ANK2: variants seen among roughly 807,000 people sequenced by gnomAD.
ANK2 encodes the protein ankyrin 2.
Under a neutral mutation model 360.5 loss-of-function variants are expected in ANK2, and 83 were observed. The ratio of observed to expected loss-of-function variants is 0.23; its 90% CI spans 0.19 to 0.28. ANK2 has a LOEUF of 0.28. Among genes scored for constraint, ANK2 ranks in the 10% least tolerant of loss-of-function variants. The probability of loss-of-function intolerance (pLI) is 1.00; values close to 1 mark genes in which losing one functional copy is unlikely to be tolerated. For synonymous variants in ANK2, 1,740 were observed against 1,759.5 expected (o/e 0.99, Z 0.28); for missense variants, 4,201 against 4,795.7 (o/e 0.88, Z 3.66).
chr4:113,262,162 T>A (rs1352271027), intron 13 of ANK2, among the ~76,000 whole-genome samples: 1 of 152,232 alleles, frequency 6.6e-6, no homozygotes, highest in African/African-American at 2.4e-5. Flanking sequence ...TCATCATTTC[T>A]ACCAAAATTA....
At chr4:113,037,131 A>C (rs2061785165) in intron 2 of ANK2, among the ~76,000 whole-genome samples, 1 of 152,014 alleles carries the variant, frequency 6.6e-6, no homozygotes, top group Non-Finnish European at 1.5e-5. Context: ...GTAGCAAACT[A>C]ACTTGTTAAC....
chr4:112,937,522 T>A (rs2093851630), intron 2 of ANK2, among the ~76,000 whole-genome samples: 1 of 151,896 alleles, frequency 6.6e-6, no homozygotes, highest in Admixed American at 6.6e-5. Context: ...GAGACTGGGT[T>A]TCGCCATGTT....
At chr4:113,291,877 G>A (rs1390469899) in intron 20 of ANK2, among the ~76,000 whole-genome samples, 5 of 152,078 alleles carry the variant, frequency 3.3e-5, no homozygotes, top group Non-Finnish European at 5.9e-5. Context: ...AGCTGTTCTT[G>A]GAAAGGAATA....
intron 10 of ANK2, among the ~76,000 whole-genome samples, chr4:113,254,949 T>C (rs947814406): frequency 1.3e-5 from 2 of 149,692 alleles, no homozygotes; most frequent in African/African-American, 4.9e-5. Context: ...AGTTTACATA[T>C]TGTTTCCTGA....
At chr4:113,025,870 A>T (rs960429869) in intron 2 of ANK2, among the ~76,000 whole-genome samples, 1 of 152,180 alleles carries the variant, frequency 6.6e-6, no homozygotes, top group Non-Finnish European at 1.5e-5. Context: ...CCTGATAGCT[A>T]TGTCACTTTA....
chr4:113,156,437 C>A lies in ANK2; in HGVS notation c.85-17979C>A, dbSNP rs558205084. On this transcript the variant is annotated intron_variant, in intron 1 of 45. Coordinates refer to ENST00000357077, the MANE Select transcript of ANK2 (RefSeq NM_001148.6). ...CCAGGCTGGAGTGCAGTGACGTGAT[C>A]ACGACTCACTGCAACCTCCGCCTCC... 3.6e-5 allele frequency among the ~76,000 whole-genome samples: 5 copies of A among 140,078 alleles called. No homozygotes were observed. In the South Asian group the frequency reaches 1.1e-3, roughly 31 times the overall value. The allele number at this position is 140,078 out of a possible 152,430, so 91.9% of individuals were successfully genotyped here.
chr4:113,137,356 A>G (rs2154382367), intron 1 of ANK2, among the ~76,000 whole-genome samples: 1 of 152,266 alleles, frequency 6.6e-6, no homozygotes, highest in South Asian at 2.1e-4. Context: ...GCAGGACTGG[A>G]TGTATGGGAA....
chr4:113,324,672 G>GA (rs1371840848), intron 26 of ANK2, among the ~76,000 whole-genome samples: 2 of 152,114 alleles, frequency 1.3e-5, no homozygotes, highest in African/African-American at 4.8e-5. Flanking sequence ...GGAGAATTAG[G>GA]AAGGAATTAA....
At chr4:112,792,485 G>C in the ANK2 span, among the ~76,000 whole-genome samples, 1 of 152,172 alleles carries the variant, frequency 6.6e-6, no homozygotes, top group African/African-American at 2.4e-5. Flanking sequence ...TATTGCCATG[G>C]AATTTGAATC....
chr4:113,220,268 G>A (rs2099135430), intron 4 of ANK2, among the ~76,000 whole-genome samples: 1 of 152,156 alleles, frequency 6.6e-6, no homozygotes, highest in African/African-American at 2.4e-5. Context: ...CTGCTGATTG[G>A]CTTAAGTCAT....
chr4:113,238,670 G>A (rs1399801369), intron 7 of ANK2, among the ~76,000 whole-genome samples: 1 of 152,164 alleles, frequency 6.6e-6, no homozygotes, highest in Admixed American at 6.5e-5. Context: ...CATTGTGAAA[G>A]CAGAAGTTTG....
intron 1 of ANK2, among the ~76,000 whole-genome samples, chr4:112,891,606 A>G (rs1362664114): frequency 6.6e-6 from 1 of 152,186 alleles, no homozygotes; most frequent in African/African-American, 2.4e-5. Context: ...TCCTGATTCT[A>G]CTATTTACTA....
At chr4:113,003,701 G>A (rs997080458) in intron 2 of ANK2, among the ~76,000 whole-genome samples, 2 of 152,166 alleles carry the variant, frequency 1.3e-5, no homozygotes, top group Non-Finnish European at 2.9e-5. Flanking sequence ...CACAGTAAAT[G>A]ATAGTGAACT....
intron 1 of ANK2, among the ~76,000 whole-genome samples, chr4:113,092,377 C>A (rs1239699475): frequency 5.3e-5 from 8 of 152,142 alleles, no homozygotes; most frequent in Admixed American, 5.2e-4. Context: ...TGTAGAAGTC[C>A]TTGTTAATTA....
intron 1 of ANK2, among the ~76,000 whole-genome samples, chr4:112,852,277 CT>C (rs1262557376): frequency 2.0e-5 from 3 of 152,190 alleles, no homozygotes; most frequent in Non-Finnish European, 4.4e-5. Flanking sequence ...ACCCTTGACT[CT>C]TCATATTCTT....
the ANK2 span, among the ~76,000 whole-genome samples, chr4:112,789,056 T>C: frequency 6.6e-6 from 1 of 152,090 alleles, no homozygotes; most frequent in African/African-American, 2.4e-5. Flanking sequence ...TCCTCCATCT[T>C]AAAAAAATCA....
intron 2 of ANK2, among the ~76,000 whole-genome samples, chr4:112,984,638 G>C (rs7679855): frequency 0.28 from 42,681 of 151,988 alleles, 6,469 homozygotes; most frequent in East Asian, 0.44. Flanking sequence ...TAATTCAAAG[G>C]CCAGGTCTTT....
In ANK2 at chr4:112,867,100, T is replaced by C. The variant is rs781632102; in HGVS notation, c.-39-37355T>C. ...AGGCAATTCTTTCTGCTTTCATAAT[T>C]ACCTTTTTTTTTGAGGTCTTACATT... On this transcript the variant is annotated intron_variant, in intron 1 of 30. Transcript: ENST00000503271. Among the ~76,000 whole-genome samples the C allele has an allele frequency of 3.0e-4, 45 of 152,038 alleles. 2 individuals carry two copies. Among genetic ancestry groups the C allele is most frequent in the Admixed American group, 1.7e-3 (26 of 15,266 alleles).
intron 2 of ANK2, among the ~76,000 whole-genome samples, chr4:112,921,462 C>T (rs954081698): frequency 7.0e-6 from 1 of 142,600 alleles, no homozygotes; most frequent in Non-Finnish European, 1.5e-5. Context: ...AGGTACTATT[C>T]CTCTAATTAT....
Sources: allele counts gnomAD v4.1 joint callset (sites outside exome capture counted in the v4.1 genomes callset), GRCh38; gene constraint gnomAD v4.1.1; transcripts MANE v1.5; gene names NCBI Gene and HGNC (gene_info 2026-07-23, HGNC 2026-07-21).